The following FHIT variants were observed in gnomAD, a reference collection of about 807,000 sequenced individuals.
The protein encoded by FHIT is fragile histidine triad diadenosine triphosphatase, also known as bis(5'-adenosyl)-triphosphatase.
Under a neutral mutation model 17.9 loss-of-function variants are expected in FHIT, and 19 were observed. The ratio of observed to expected loss-of-function variants is 1.06; its 90% confidence interval spans 0.74 to 1.56. The LOEUF (loss-of-function observed/expected upper bound fraction) is 1.56. FHIT is among the 40% of genes most tolerant of loss of function. FHIT has a pLI of 0.00. For synonymous variants in FHIT, 81 were observed against 69.7 expected, an observed-to-expected ratio of 1.16 and a Z score of -0.81; for missense variants, 248 against 189.2, an observed-to-expected ratio of 1.31 and a Z score of -1.82.
chr3:60,523,574 A>G (rs958774862), intron 5 of FHIT, among the ~76,000 whole-genome samples: 8 of 152,222 alleles, frequency 5.3e-5, no homozygotes, highest in African/African-American at 1.9e-4. Flanking sequence ...ATAAAGCCAT[A>G]AAAACTTGAC....
At chr3:61,071,800 C>T (rs1037661308) in intron 2 of FHIT, among the ~76,000 whole-genome samples, 4 of 152,098 alleles carry the variant, frequency 2.6e-5, no homozygotes, top group African/African-American at 9.7e-5. Flanking sequence ...AGATGAAATA[C>T]CCCAAAATAT....
At chr3:59,994,653 C>A (rs905411654) in intron 7 of FHIT, among the ~76,000 whole-genome samples, 1 of 152,042 alleles carries the variant, frequency 6.6e-6, no homozygotes, top group Non-Finnish European at 1.5e-5. Flanking sequence ...AATCACACCA[C>A]AAAGCCTGTT....
chr3:59,747,719 G>A lies in FHIT; in HGVS notation c.*1866C>T, dbSNP rs991225343. Among the ~76,000 whole-genome samples the A allele has an allele frequency of 6.6e-6, 1 of 151,872 alleles. No individual in the cohort carries two copies. On this transcript the variant is annotated 3_prime_UTR_variant, in exon 10 of 10. Transcript: ENST00000492590. ...ATGTCAGAGGCAAGCACTGAGATTTGACCCATCAGCCCTAGGGAAGCTGAC... is the reference window on the plus strand; with the variant it reads ...ATGTCAGAGGCAAGCACTGAGATTTAACCCATCAGCCCTAGGGAAGCTGAC...
intron 4 of FHIT, among the ~76,000 whole-genome samples, chr3:60,670,539 G>A (rs1165291661): frequency 2.0e-5 from 3 of 152,136 alleles, no homozygotes; most frequent in Non-Finnish European, 2.9e-5. Flanking sequence ...TTCCATTACT[G>A]GTTACACTTA....
chr3:59,807,075 TCTG>T (rs1700232741), intron 8 of FHIT, among the ~76,000 whole-genome samples: 1 of 152,146 alleles, frequency 6.6e-6, no homozygotes, highest in Non-Finnish European at 1.5e-5. Context: ...TATCCAAAAT[TCTG>T]CTAAGGGACT....
chr3:61,098,326 G>C (rs986656288), intron 2 of FHIT, among the ~76,000 whole-genome samples: 12 of 152,242 alleles, frequency 7.9e-5, no homozygotes, highest in African/African-American at 2.9e-4. Context: ...CTTTGTACCA[G>C]AGCCATGCTG....
rs552850382 is a variant in FHIT at position 59,777,356 on chromosome 3, C to T, written c.349-25035G>A. Among the ~76,000 whole-genome samples the T allele has an allele frequency of 9.2e-5, 14 of 151,944 alleles. 1 individual carries two copies. In the East Asian group the frequency reaches 1.6e-3, roughly 17 times the overall value. On this transcript the variant is annotated intron_variant, in intron 8 of 9. Transcript: ENST00000492590. Reference sequence around the variant, plus strand: ...TTTCCTCTCGCATGTGTAGTGGGCACCTATATTTATCACCCAAAGATAAAA... The same window carrying T: ...TTTCCTCTCGCATGTGTAGTGGGCATCTATATTTATCACCCAAAGATAAAA...
chr3:59,998,579 ATTGAT>A (rs569651101), intron 7 of FHIT, among the ~76,000 whole-genome samples: 3 of 152,246 alleles, frequency 2.0e-5, no homozygotes, highest in South Asian at 2.1e-4. Context: ...TTCATTTTGA[ATTGAT>A]TTATTTCTAA....
rs867314474 is a variant in FHIT, at chr3:60,025,736, A to G, written c.104-11584T>C. On this transcript the variant is annotated intron_variant, in intron 5 of 9. Transcript: ENST00000492590. ...TAAAAATGCAGAAAATTCTACCAGAAAAAAAAAAAAAAAGAGAGAGTGAAA... is the reference window on the plus strand; with the variant it reads ...TAAAAATGCAGAAAATTCTACCAGAGAAAAAAAAAAAAAGAGAGAGTGAAA... 8.2e-3 allele frequency among the ~76,000 whole-genome samples: 1,102 copies of G among 133,682 alleles called. 19 individuals are homozygous for G. The highest frequency in any genetic ancestry group is 0.034 in the African/African-American group (985 of 29,178). The allele number at this position is 133,682 out of a possible 152,430, so 87.7% of individuals were successfully genotyped here.
At chr3:60,528,252 T>C (rs1393315715) in intron 5 of FHIT, among the ~76,000 whole-genome samples, 1 of 152,204 alleles carries the variant, frequency 6.6e-6, no homozygotes, top group African/African-American at 2.4e-5. Context: ...ATTACAGGTG[T>C]GCACCACTGT....
intron 5 of FHIT, among the ~76,000 whole-genome samples, chr3:60,517,354 A>G (rs1393755114): frequency 6.6e-6 from 1 of 152,166 alleles, no homozygotes; most frequent in Non-Finnish European, 1.5e-5. Flanking sequence ...ATCCTACTAT[A>G]CCTTTCACAT....
chr3:60,401,172 T>C (rs1299984039), intron 5 of FHIT, among the ~76,000 whole-genome samples: 1 of 152,184 alleles, frequency 6.6e-6, no homozygotes, highest in African/African-American at 2.4e-5. Context: ...TTGCTTGTAG[T>C]GATTGCTCAG....
intron 3 of FHIT, among the ~76,000 whole-genome samples, chr3:60,861,874 C>T (rs1230667965): frequency 5.4e-5 from 8 of 148,084 alleles, no homozygotes; most frequent in African/African-American, 1.3e-4. Context: ...GGCGTGAACC[C>T]GTGAGGTGGA....
At chr3:61,238,170 C>T (rs1476896722) in intron 1 of FHIT, among the ~76,000 whole-genome samples, 1 of 152,246 alleles carries the variant, frequency 6.6e-6, no homozygotes, top group Middle Eastern at 3.4e-3. Context: ...AAAGCATTAT[C>T]ACCATTATGG....
chr3:61,023,368 T>C lies in FHIT; in HGVS notation c.-111+18679A>G, dbSNP rs371215088. ...AGGACACAAAAAAATGGAAAAGCAT[T>C]CCATGCTCATGGATAGGAAAAATCA... On this transcript the variant is annotated intron_variant, in intron 3 of 9. Transcript: ENST00000492590. Among the ~76,000 whole-genome samples the C allele has an allele frequency of 1.6e-3, 240 of 152,254 alleles. 5 individuals carry two copies. The South Asian group carries it at 0.032, about 20-fold the overall frequency.
intron 4 of FHIT, among the ~76,000 whole-genome samples, chr3:60,756,721 G>A (rs1575485557): frequency 6.6e-6 from 1 of 152,172 alleles, no homozygotes; most frequent in Admixed American, 6.5e-5. Context: ...TAGGAATTAG[G>A]CCGCATTATC....
intron 5 of FHIT, among the ~76,000 whole-genome samples, chr3:60,411,655 A>G (rs186416827): frequency 2.8e-4 from 43 of 152,298 alleles, no homozygotes; most frequent in African/African-American, 9.9e-4. Context: ...TGTGATTGGC[A>G]GGGTAAAAAC....
At chr3:60,510,295 C>T (rs1010664768) in intron 5 of FHIT, among the ~76,000 whole-genome samples, 23 of 152,306 alleles carry the variant, frequency 1.5e-4, no homozygotes, top group African/African-American at 5.1e-4. Flanking sequence ...ACCTGCAATT[C>T]AGATCCAATT....
intron 4 of FHIT, among the ~76,000 whole-genome samples, chr3:60,815,418 G>C (rs1701704033): frequency 6.6e-6 from 1 of 152,108 alleles, no homozygotes; most frequent in Non-Finnish European, 1.5e-5. Flanking sequence ...TTTGTATATG[G>C]TGAAATGTAG....
Sources: allele counts gnomAD v4.1 joint callset (sites outside exome capture counted in the v4.1 genomes callset), GRCh38; gene constraint gnomAD v4.1.1; transcripts MANE v1.5; gene names NCBI Gene and HGNC (gene_info 2026-07-23, HGNC 2026-07-21).